USP31: variants seen among roughly 807,000 people sequenced by gnomAD.
The protein encoded by USP31 is ubiquitin carboxyl-terminal hydrolase 31.
In USP31, 44 loss-of-function variants were observed where a neutral mutation model predicts 119.4. That is an observed-to-expected ratio of 0.37 (90% CI 0.29 to 0.47). The LOEUF (loss-of-function observed/expected upper bound fraction) is 0.47, where lower values mean the gene tolerates loss of function less well. Among genes scored for constraint, USP31 ranks in the 20% least tolerant of loss-of-function variants. The pLI is 0.99. For missense variants in USP31, 1,643 were observed against 1,730.2 expected (o/e 0.95, Z 0.89); for synonymous variants, 749 against 705.6 (o/e 1.06, Z -0.97).
intron 2 of USP31, among the ~76,000 whole-genome samples, 178 bp from the exon 3 acceptor site, chr16:23,106,665 G>A (rs1040706439): frequency 1.3e-5 from 2 of 152,130 alleles, no homozygotes; most frequent in East Asian, 1.9e-4. Context: ...TGTGGGTCAC[G>A]TGGACTCATC....
At chr16:23,130,192 T>C (rs1221056528) in intron 1 of USP31, among the ~76,000 whole-genome samples, 1 of 152,166 alleles carries the variant, frequency 6.6e-6, no homozygotes, top group Non-Finnish European at 1.5e-5. Context: ...GCTAAGAAAT[T>C]TACATGGTAC....
At chr16:23,136,485 T>A (rs947822252) in intron 1 of USP31, among the ~76,000 whole-genome samples, 1 of 152,030 alleles carries the variant, frequency 6.6e-6, no homozygotes, top group African/African-American at 2.4e-5. Context: ...AAACCCCGTC[T>A]CTACTAAAAA....
At position 23,135,943 on chromosome 16, in the gene USP31, T is replaced by A. The variant is rs113495389; in HGVS notation, c.633+12695A>T. On this transcript the variant is annotated intron_variant, in intron 1 of 15. Coordinates refer to ENST00000219689, the MANE Select transcript of USP31 (RefSeq NM_020718.4). ...TTCAAAACTTACTACTGTACACAGC[T>A]ACAGCAATGAGAACAGTGGGGTAAA... Among the ~76,000 whole-genome samples, 921 of 152,320 alleles carry A rather than the reference T, an allele frequency of 6.0e-3. 7 individuals are homozygous for A. The highest frequency in any genetic ancestry group is 0.021 in the African/African-American group (868 of 41,558).
chr16:23,082,335 G>T, intron 12 of USP31, 103 bp downstream of exon 12: 1 of 1,468,370 alleles, frequency 6.8e-7, no homozygotes, highest in Non-Finnish European at 9.4e-7. Flanking sequence ...AGGACTCACT[G>T]GATCAAACAG....
At chr16:23,102,196 T>G in intron 6 of USP31, 123 bp downstream of exon 6, 4 of 1,082,140 alleles carry the variant, frequency 3.7e-6, no homozygotes, top group Non-Finnish European at 5.0e-6. Context: ...CATTAAAAAA[T>G]CATGTGTATT....
chr16:23,145,201 G>A (rs1903470680), intron 1 of USP31, among the ~76,000 whole-genome samples: 1 of 152,104 alleles, frequency 6.6e-6, no homozygotes, highest in African/African-American at 2.4e-5. Context: ...CTTGTTCCTT[G>A]ATGCCTGCTA....
chr16:23,116,531 G>C (rs998949637), intron 1 of USP31, among the ~76,000 whole-genome samples: 1 of 152,186 alleles, frequency 6.6e-6, no homozygotes, highest in Non-Finnish European at 1.5e-5. Context: ...GCAATAGTAT[G>C]ACATACTAGG....
At position 23,068,173 on chromosome 16, in the gene USP31, G is replaced by C. The variant is rs768276245; in HGVS notation, c.3932C>G (p.Ser1311Cys). The part of the protein sequence containing the change: ...AKHSLLSARK[S>C]KSSQLDSGVP... Reference sequence around the variant, plus strand: ...TCCAGAGTCTAGTTGGGAAGACTTGGATTTGCGAGCGGACAGCAGGGAATG... The same window carrying C: ...TCCAGAGTCTAGTTGGGAAGACTTGCATTTGCGAGCGGACAGCAGGGAATG... The change falls in exon 16 of 16, where the codon TCC becomes TGC. Residue 1311 changes from serine to cysteine, a missense_variant. By Grantham distance (112) the Ser-to-Cys change is moderately radical. This residue lies in a region of USP31 where 699 missense variants were observed against 650.9 expected (regional missense o/e 1.07). Transcript: ENST00000219689. 30 of 1,614,082 alleles carry C rather than the reference G, an allele frequency of 1.9e-5. No homozygotes were observed. Among genetic ancestry groups the C allele is most frequent in the Non-Finnish European group, 2.5e-5 (30 of 1,180,050 alleles).
intron 13 of USP31, among the ~76,000 whole-genome samples, chr16:23,076,167 A>G (rs78127751): frequency 0.036 from 5,443 of 152,168 alleles, 130 homozygotes; most frequent in Non-Finnish European, 0.048. Flanking sequence ...AGCTTAATGC[A>G]TGCTGGGCTT....
In USP31 at chr16:23,064,113, C is replaced by G. The variant is rs1899970578; in HGVS notation, c.*3933G>C. On this transcript the variant is annotated 3_prime_UTR_variant, in exon 16 of 16. Coordinates refer to ENST00000219689, the MANE Select transcript of USP31 (RefSeq NM_020718.4). Reference sequence around the variant, plus strand: ...ACTACAAATAATACAAAGTTCCACGCACCTCCAGAATACGTGTTTTATTGA... The same window carrying G: ...ACTACAAATAATACAAAGTTCCACGGACCTCCAGAATACGTGTTTTATTGA... 1 of 152,628 alleles carries G rather than the reference C, an allele frequency of 6.6e-6. No homozygotes were observed. 9.5% of individuals were successfully genotyped at this position (152,628 alleles called of 1,614,324 possible).
rs1442636724 is a variant in USP31 at position 23,068,276 on chromosome 16, G to A, written c.3829C>T (p.Pro1277Ser). ...GDDEAERGHQPPASQQPNANT... is the reference protein window; with the variant it reads ...GDDEAERGHQSPASQQPNANT... The stretch of plus-strand genomic sequence containing the variant: ...GCATTTGGCTGCTGGGAAGCTGGAG[G>A]CTGGTGGCCTCTCTCTGCCTCGTCG... The change falls in exon 16 of 16, where the codon CCT (proline) becomes TCT (serine). Residue 1277 changes from proline (P) to serine (S), a missense_variant. Transcript: ENST00000219689. 5 of 1,614,044 alleles carry A rather than the reference G, an allele frequency of 3.1e-6. No homozygotes were observed. In the Admixed American group the frequency reaches 6.7e-5, roughly 22 times the overall value.
In USP31 at chr16:23,065,969, C is replaced by G. The variant is rs974236776; in HGVS notation, c.*2077G>C. 1 of 152,180 alleles carries G rather than the reference C, an allele frequency of 6.6e-6. No homozygotes were observed. The highest frequency in any genetic ancestry group is 1.5e-5 in the Non-Finnish European group (1 of 68,038). 9.4% of individuals were successfully genotyped at this position (152,180 alleles called of 1,614,324 possible). On this transcript the variant is annotated 3_prime_UTR_variant, in exon 16 of 16. Coordinates refer to ENST00000219689, the MANE Select transcript of USP31 (RefSeq NM_020718.4). The stretch of plus-strand genomic sequence containing the variant: ...GATATAGATGATCTCTTATTTGGTG[C>G]ATCTTTTTCAGGAGATAAAAGCGAT...
At chr16:23,083,385 T>C (rs1364704505) in intron 11 of USP31, among the ~76,000 whole-genome samples, 2 of 152,080 alleles carry the variant, frequency 1.3e-5, no homozygotes, top group Non-Finnish European at 2.9e-5. Flanking sequence ...AAATGTTGTT[T>C]ATGTTGGCCC....
intron 1 of USP31, among the ~76,000 whole-genome samples, chr16:23,110,993 T>C (rs924478680): frequency 2.0e-5 from 3 of 151,734 alleles, no homozygotes; most frequent in Admixed American, 6.6e-5. Context: ...CCAGGCGTGG[T>C]GGTGGGCGCC....
intron 1 of USP31, among the ~76,000 whole-genome samples, chr16:23,133,957 G>T (rs1457116142): frequency 1.3e-5 from 2 of 151,984 alleles, no homozygotes; most frequent in Non-Finnish European, 2.9e-5. Flanking sequence ...TGCACCCGTA[G>T]TCCAAGCTAC....
At chr16:23,083,891 TG>T (rs1900967002) in intron 11 of USP31, among the ~76,000 whole-genome samples, 7 of 152,174 alleles carry the variant, frequency 4.6e-5, no homozygotes, top group Admixed American at 4.6e-4. Context: ...AGAGAACAAC[TG>T]TTGGCTATAG....
At chr16:23,140,581 T>A (rs1440298177) in intron 1 of USP31, among the ~76,000 whole-genome samples, 3 of 152,182 alleles carry the variant, frequency 2.0e-5, no homozygotes, top group Non-Finnish European at 4.4e-5. Context: ...CCCTTAACTA[T>A]CAATGTTTTA....
rs750961665 is a variant in USP31, at chr16:23,105,512, C to T, written c.1018G>A (p.Val340Ile). Reference protein sequence around the residue: ...CSHCMRIGVAVPLSGTVARLR... With the variant: ...CSHCMRIGVAIPLSGTVARLR... ...CTGGCGACAGTCCCAGACAGAGGTA[C>T]GGCCACACCAATCCTCATGCAGTGA... The change falls in exon 5 of 16, where the codon GTA becomes ATA. Residue 340 changes from valine to isoleucine, a missense_variant. By Grantham distance (29) the Val-to-Ile change is conservative. Transcript: ENST00000219689. 2.9e-5 allele frequency: 47 copies of T among 1,614,002 alleles called. No homozygotes were observed. Among genetic ancestry groups the T allele is most frequent in the Non-Finnish European group, 3.6e-5 (43 of 1,180,002 alleles).
intron 1 of USP31, among the ~76,000 whole-genome samples, chr16:23,127,237 G>A (rs1902888295): frequency 6.6e-6 from 1 of 151,982 alleles, no homozygotes; most frequent in Admixed American, 6.6e-5. Context: ...AGACCAGCCT[G>A]GGCAACATAG....
Sources: allele counts gnomAD v4.1 joint callset (sites outside exome capture counted in the v4.1 genomes callset), GRCh38; gene constraint gnomAD v4.1.1; regional missense constraint gnomAD v4.1.1; transcripts MANE v1.5; gene names NCBI Gene and HGNC (gene_info 2026-07-23, HGNC 2026-07-21).